ZC2HC1B: variants seen among roughly 807,000 people sequenced by gnomAD.
ZC2HC1B encodes the protein zinc finger C2HC domain-containing protein 1B.
A neutral mutation model predicts 31.0 loss-of-function variants in ZC2HC1B; 36 were observed. The observed-to-expected ratio is 1.16, with a 90% CI of 0.89 to 1.54. ZC2HC1B has a LOEUF of 1.54. ZC2HC1B is among the 40% of genes most tolerant of loss of function. The pLI is 0.00. For missense variants in ZC2HC1B, 260 were observed against 268.6 expected (o/e 0.97, Z 0.22); for synonymous variants, 73 against 88.0 (o/e 0.83, Z 0.95).
chr6:143,884,491 C>T lies in ZC2HC1B; in HGVS notation c.90+126C>T. On this transcript the variant is annotated intron_variant, in intron 2 of 7. Coordinates refer to ENST00000237275, the MANE Select transcript of ZC2HC1B (RefSeq NM_001013623.3). The surrounding 1 kb of genome is among the most constrained non-coding windows in gnomAD (Gnocchi z 5.1). Reference sequence around the variant, plus strand: ...GGGAAGCAAGGGAAGAGGAAAAGTACATAACCTATGGCTGGTGGGCCCAGA... The same window carrying T: ...GGGAAGCAAGGGAAGAGGAAAAGTATATAACCTATGGCTGGTGGGCCCAGA... 2.3e-6 allele frequency: 2 copies of T among 852,344 alleles called. No individual in the cohort carries two copies. The highest frequency in any genetic ancestry group is 4.1e-5 in the South Asian group (2 of 48,594). The allele number at this position is 852,344 out of a possible 1,614,324, so 52.8% of individuals were successfully genotyped here.
At chr6:143,874,084 CT>C (rs1389197737) in intron 1 of ZC2HC1B, among the ~76,000 whole-genome samples, 1 of 152,136 alleles carries the variant, frequency 6.6e-6, no homozygotes, top group East Asian at 1.9e-4. Context: ...TGCTTTCCTG[CT>C]TAGAAATTTC....
At position 143,868,868 on chromosome 6, in the gene ZC2HC1B, A is replaced by G. The variant is rs1338406438; in HGVS notation, c.28+4301A>G. 6.6e-6 allele frequency among the ~76,000 whole-genome samples: 1 copy of G among 152,268 alleles called. No homozygotes were observed. Among genetic ancestry groups the G allele is most frequent in the Non-Finnish European group, 1.5e-5 (1 of 68,042 alleles). On this transcript the variant is annotated intron_variant, in intron 1 of 7. Coordinates refer to ENST00000237275, the MANE Select transcript of ZC2HC1B (RefSeq NM_001013623.3). This position sits in a 1 kb window ranked among gnomAD's most constrained non-coding sequence, Gnocchi z 4.2. Reference sequence around the variant, plus strand: ...TTAAATGCTGATGCGAAGTCAATAAATCTTATGTCACATGATGAAGGAAAA... The same window carrying G: ...TTAAATGCTGATGCGAAGTCAATAAGTCTTATGTCACATGATGAAGGAAAA...
In ZC2HC1B at chr6:143,895,823, C is replaced by T. The variant is rs1777658957; in HGVS notation, c.350-2729C>T. Among the ~76,000 whole-genome samples, 2 of 152,140 alleles carry T rather than the reference C, an allele frequency of 1.3e-5. No homozygotes were observed. Among genetic ancestry groups the T allele is most frequent in the Admixed American group, 6.6e-5 (1 of 15,262 alleles). Reference sequence around the variant, plus strand: ...TTTCCACTTTTCTCTGAGATCTGGCCACCATATTCCTCGAAAGAATTCATT... The same window carrying T: ...TTTCCACTTTTCTCTGAGATCTGGCTACCATATTCCTCGAAAGAATTCATT... On this transcript the variant is annotated intron_variant, in intron 4 of 7. Transcript: ENST00000237275. This position sits in a 1 kb window ranked among gnomAD's most constrained non-coding sequence, Gnocchi z 4.8.
At chr6:143,882,349 T>TATA (rs1562338567) in intron 1 of ZC2HC1B, among the ~76,000 whole-genome samples, 1 of 136,422 alleles carries the variant, frequency 7.3e-6, no homozygotes, top group East Asian at 2.1e-4. Flanking sequence ...TATATATATA[T>TATA]ATATATATAT....
intron 1 of ZC2HC1B, among the ~76,000 whole-genome samples, chr6:143,866,653 A>G (rs1227861885): frequency 6.6e-6 from 1 of 152,172 alleles, no homozygotes; most frequent in Non-Finnish European, 1.5e-5. Flanking sequence ...AGTTGAAAGA[A>G]CTCTAACCTC....
intron 5 of ZC2HC1B, among the ~76,000 whole-genome samples, chr6:143,901,135 G>A (rs561259383): frequency 2.0e-5 from 3 of 151,930 alleles, no homozygotes; most frequent in Admixed American, 6.6e-5. Context: ...CACCACACGC[G>A]GCCTAGATTC....
intron 6 of ZC2HC1B, among the ~76,000 whole-genome samples, chr6:143,937,193 G>T (rs1778188761): frequency 6.6e-6 from 1 of 152,094 alleles, no homozygotes. Context: ...ACTGTTTGTG[G>T]AATGAATCCA....
chr6:143,884,188 GGGGAGGGAAAA>G lies in ZC2HC1B; in HGVS notation c.29-114_29-104del. 2 of 863,722 alleles carry G rather than the reference GGGGAGGGAAAA, an allele frequency of 2.3e-6. No individual in the cohort carries two copies. The highest frequency in any genetic ancestry group is 2.3e-5 in the South Asian group (1 of 43,296). 53.5% of individuals were successfully genotyped at this position (863,722 alleles called of 1,614,324 possible). A position where few individuals can be genotyped will look rare whatever the true frequency, so the allele number is the denominator to read the frequency against. Reference sequence around the variant, plus strand: ...TTCCCAAAGGGAAGAAGCAGTTGGTGGGGAGGGAAAAGAGAGTGAGGATATCAAGCTATTGA... The same window carrying G: ...TTCCCAAAGGGAAGAAGCAGTTGGTGGAGAGTGAGGATATCAAGCTATTGA... On this transcript the variant is annotated intron_variant, in intron 1 of 7. Transcript: ENST00000237275. This position sits in a 1 kb window ranked among gnomAD's most constrained non-coding sequence, Gnocchi z 5.1.
At position 143,868,960 on chromosome 6, in the gene ZC2HC1B, G is replaced by A. The variant is rs1021839006; in HGVS notation, c.28+4393G>A. 6.6e-6 allele frequency among the ~76,000 whole-genome samples: 1 copy of A among 152,188 alleles called. No individual in the cohort carries two copies. The highest frequency in any genetic ancestry group is 2.4e-5 in the African/African-American group (1 of 41,430). On this transcript the variant is annotated intron_variant, in intron 1 of 7. Transcript: ENST00000237275. The surrounding 1 kb of genome is among the most constrained non-coding windows in gnomAD (Gnocchi z 4.2). Reference sequence around the variant, plus strand: ...ATGCACAAACATGTTTTTAACAAAAGAAGGAGGAAATACTAATGACAATTA... The same window carrying A: ...ATGCACAAACATGTTTTTAACAAAAAAAGGAGGAAATACTAATGACAATTA...
chr6:143,905,357 A>G lies in ZC2HC1B; in HGVS notation c.598+2205A>G, dbSNP rs1367237251. On this transcript the variant is annotated intron_variant, in intron 6 of 7. Transcript: ENST00000237275. This position sits in a 1 kb window ranked among gnomAD's most constrained non-coding sequence, Gnocchi z 4.2. ...GTAGTTGTCTTCATAATTTTTTTTG[A>G]TTGTTCATTGTCAGTATATAGAAAC... 2.0e-5 allele frequency among the ~76,000 whole-genome samples: 3 copies of G among 151,622 alleles called. No individual in the cohort carries two copies. The highest frequency in any genetic ancestry group is 4.4e-5 in the Non-Finnish European group (3 of 67,894).
chr6:143,876,530 C>G (rs1265397344), intron 1 of ZC2HC1B, among the ~76,000 whole-genome samples: 1 of 150,300 alleles, frequency 6.7e-6, no homozygotes, highest in Admixed American at 6.6e-5. Context: ...ATGAAAGAAC[C>G]CCATTCTTAA....
intron 1 of ZC2HC1B, among the ~76,000 whole-genome samples, chr6:143,879,593 T>C (rs565779240): frequency 6.6e-6 from 1 of 152,168 alleles, no homozygotes; most frequent in Non-Finnish European, 1.5e-5. Context: ...TTTGCAGGCA[T>C]CTGAATGAGA....
intron 6 of ZC2HC1B, among the ~76,000 whole-genome samples, chr6:143,919,273 C>T (rs373521207): frequency 2.3e-5 from 3 of 128,110 alleles, no homozygotes; most frequent in African/African-American, 9.4e-5. Flanking sequence ...GTGTATGTGA[C>T]TGTCTCTGTG....
intron 1 of ZC2HC1B, among the ~76,000 whole-genome samples, chr6:143,873,672 G>T (rs1777372620): frequency 6.6e-6 from 1 of 152,210 alleles, no homozygotes; most frequent in Admixed American, 6.5e-5. Context: ...GCCAAGGCTT[G>T]GGGCTTCCAC....
intron 1 of ZC2HC1B, among the ~76,000 whole-genome samples, chr6:143,877,229 T>G (rs1777416309): frequency 6.7e-6 from 1 of 148,502 alleles, no homozygotes; most frequent in African/African-American, 2.5e-5. Flanking sequence ...ATTTTATCTT[T>G]CAACTCTCTG....
At position 143,886,271 on chromosome 6, in the gene ZC2HC1B, C is replaced by T; in HGVS notation, c.210+120C>T. 2.7e-6 allele frequency: 3 copies of T among 1,110,974 alleles called. No individual in the cohort carries two copies. The highest frequency in any genetic ancestry group is 3.5e-6 in the Non-Finnish European group (3 of 859,746). The allele number at this position is 1,110,974 out of a possible 1,614,324, so 68.8% of individuals were successfully genotyped here. A position where few individuals can be genotyped will look rare whatever the true frequency, so the allele number is the denominator to read the frequency against. ...ACAGTAATGTAATGTAACTGTAATC[C>T]ACCTTTACTTTTTTCTTTATAATCT... is the stretch of plus-strand genomic sequence containing the variant. On this transcript the variant is annotated intron_variant, in intron 3 of 7. Transcript: ENST00000237275. This position sits in a 1 kb window ranked among gnomAD's most constrained non-coding sequence, Gnocchi z 4.2.
In ZC2HC1B at chr6:143,918,421, A is replaced by G. The variant is rs1295254228; in HGVS notation, c.598+15269A>G. ...TTCATCCTCCATGGTTTCTGATGAG[A>G]AGTCTGCTGATCTTATTGAACATTC... On this transcript the variant is annotated intron_variant, in intron 6 of 7. Coordinates refer to ENST00000237275, the MANE Select transcript of ZC2HC1B (RefSeq NM_001013623.3). The surrounding 1 kb of genome is among the most constrained non-coding windows in gnomAD (Gnocchi z 4.1). 6.6e-6 allele frequency among the ~76,000 whole-genome samples: 1 copy of G among 152,108 alleles called. No individual in the cohort carries two copies. Among genetic ancestry groups the G allele is most frequent in the Admixed American group, 6.5e-5 (1 of 15,270 alleles).
intron 4 of ZC2HC1B, among the ~76,000 whole-genome samples, chr6:143,888,896 C>T (rs1777564385): frequency 6.6e-6 from 1 of 151,882 alleles, no homozygotes; most frequent in Non-Finnish European, 1.5e-5. Context: ...TTTTTCGAAC[C>T]TAAATCCTCT....
chr6:143,936,529 T>G (rs565898746), intron 6 of ZC2HC1B, among the ~76,000 whole-genome samples: 33 of 152,368 alleles, frequency 2.2e-4, no homozygotes, highest in African/African-American at 7.5e-4. Flanking sequence ...AGATGGGGAA[T>G]GAGTGTATAG....
Sources: allele counts gnomAD v4.1 joint callset (sites outside exome capture counted in the v4.1 genomes callset), GRCh38; gene constraint gnomAD v4.1.1; non-coding constraint Gnocchi (gnomAD v3.1); transcripts MANE v1.5; gene names NCBI Gene and HGNC (gene_info 2026-07-23, HGNC 2026-07-21).